TBC1D12: variants seen among roughly 807,000 people sequenced by gnomAD.
TBC1D12 encodes the protein TBC1 domain family, member 12.
TBC1D12 carries 56 observed loss-of-function variants against 86.7 expected under a neutral mutation model. That is an observed-to-expected ratio of 0.65 (90% CI 0.52 to 0.81). The LOEUF is 0.81. Ranked by LOEUF, TBC1D12 falls within the 30% of genes least tolerant of loss-of-function variation. The probability of loss-of-function intolerance (pLI) is 0.00; values close to 1 mark genes in which losing one functional copy is unlikely to be tolerated. For synonymous variants in TBC1D12, 421 were observed against 411.7 expected, an observed-to-expected ratio of 1.02 and a Z score of -0.27; for missense variants, 1,023 against 1,038.8, an observed-to-expected ratio of 0.98 and a Z score of 0.21.
chr10:94,430,025 C>G (rs552461834), intron 1 of TBC1D12, among the ~76,000 whole-genome samples: 73 of 152,128 alleles, frequency 4.8e-4, no homozygotes, highest in African/African-American at 1.7e-3. Flanking sequence ...TGTGAGTCAC[C>G]GCACCCAGCC....
chr10:94,427,690 G>A (rs1276024045), intron 1 of TBC1D12, among the ~76,000 whole-genome samples: 1 of 151,738 alleles, frequency 6.6e-6, no homozygotes, highest in Non-Finnish European at 1.5e-5. Context: ...AAATTAGCCG[G>A]GTGTGGTGGT....
intron 11 of TBC1D12, among the ~76,000 whole-genome samples, chr10:94,523,308 G>A (rs1325042969): frequency 2.0e-5 from 3 of 150,928 alleles, no homozygotes; most frequent in African/African-American, 7.3e-5. Flanking sequence ...TTTATCTTGA[G>A]TTGTAGCGAG....
In TBC1D12 at chr10:94,403,382, A is replaced by C; in HGVS notation, c.769A>C (p.Asn257His). ...APPATSAERT[N>H]GGAEPRLGFS... ...CCCTGCCACCTCGGCCGAGAGGACT[A>C]ATGGGGGTGCGGAGCCGCGCCTGGG... Residue 257 changes from asparagine (N) to histidine (H), a missense_variant, in exon 1 of 13, where the codon AAT becomes CAT. By Grantham distance (68) the Asn-to-His change is moderately conservative (BLOSUM62 1). This residue lies in a region of TBC1D12 where 628 missense variants were observed against 531.1 expected (regional missense o/e 1.18). Transcript: ENST00000225235. 1 of 1,543,080 alleles carries C rather than the reference A, an allele frequency of 6.5e-7. No individual in the cohort carries two copies. The highest frequency in any genetic ancestry group is 8.7e-7 in the Non-Finnish European group (1 of 1,144,584).
intron 3 of TBC1D12, among the ~76,000 whole-genome samples, chr10:94,484,101 G>A (rs970099017): frequency 6.6e-6 from 1 of 152,014 alleles, no homozygotes; most frequent in Non-Finnish European, 1.5e-5. Context: ...GTAGATATAT[G>A]GATTTGTTTC....
rs551440486 is a variant in TBC1D12, at chr10:94,420,032, G to A, written c.971+16448G>A. Among the ~76,000 whole-genome samples the A allele has an allele frequency of 2.0e-5, 3 of 152,226 alleles. 1 individual carries two copies. In the South Asian group the frequency reaches 6.2e-4, roughly 32 times the overall value. ...GCAGTGGAATATATTGCTGTGGACCGAATGTTTGTGTCCCTCCAAAATTCA... is the reference window on the plus strand; with the variant it reads ...GCAGTGGAATATATTGCTGTGGACCAAATGTTTGTGTCCCTCCAAAATTCA... On this transcript the variant is annotated intron_variant, in intron 1 of 12. Transcript: ENST00000225235.
At chr10:94,507,821 A>G (rs2134201334) in intron 7 of TBC1D12, among the ~76,000 whole-genome samples, 1 of 152,206 alleles carries the variant, frequency 6.6e-6, no homozygotes, top group South Asian at 2.1e-4. Flanking sequence ...CCCCATCTCT[A>G]CTAAAAAAAC....
intron 2 of TBC1D12, among the ~76,000 whole-genome samples, chr10:94,464,349 T>A (rs1167080099): frequency 6.6e-6 from 1 of 152,230 alleles, no homozygotes; most frequent in African/African-American, 2.4e-5. Context: ...GAATGAGTAT[T>A]TTTGTCACTG....
chr10:94,457,050 T>A lies in TBC1D12; in HGVS notation c.1095+15031T>A, dbSNP rs185593049. Among the ~76,000 whole-genome samples, 6 of 152,346 alleles carry A rather than the reference T, an allele frequency of 3.9e-5. No individual in the cohort carries two copies. The East Asian group carries it at 1.2e-3, about 29-fold the overall frequency. ...CATCCCTTTTTAAAAAATCTATATG[T>A]GCCTTTATACTTAAAGTGGGGTTTT... On this transcript the variant is annotated intron_variant, in intron 2 of 12. Transcript: ENST00000225235.
chr10:94,448,371 TTAAATA>T (rs1168491840), intron 2 of TBC1D12, among the ~76,000 whole-genome samples: 5 of 152,222 alleles, frequency 3.3e-5, no homozygotes, highest in Non-Finnish European at 5.9e-5. Context: ...TTAATTATGC[TTAAATA>T]TAGATATTCT....
chr10:94,520,071 C>T (rs1842103286), intron 9 of TBC1D12, among the ~76,000 whole-genome samples: 1 of 152,172 alleles, frequency 6.6e-6, no homozygotes, highest in Admixed American at 6.6e-5. Context: ...AAAAAGTACT[C>T]AGAAGAAGAC....
intron 2 of TBC1D12, among the ~76,000 whole-genome samples, chr10:94,448,636 C>T (rs2055505881): frequency 6.6e-6 from 1 of 152,222 alleles, no homozygotes; most frequent in Non-Finnish European, 1.5e-5. Flanking sequence ...GCCACCATGC[C>T]TGGCTAATTT....
At position 94,403,414 on chromosome 10, in the gene TBC1D12, T is replaced by C. The variant is rs942612426; in HGVS notation, c.801T>C (p.Ser267=). The C allele has an allele frequency of 2.6e-6, 4 of 1,549,732 alleles. No homozygotes were observed. Among genetic ancestry groups the C allele is most frequent in the Middle Eastern group, 1.7e-4 (1 of 5,882 alleles). ...GTGCGGAGCCGCGCCTGGGCTTTTC[T>C]GACATTCACTTCAACTCTCGCAACA... The part of the protein sequence containing the change: ...NGGAEPRLGF[S]DIHFNSRNTF... The change falls in exon 1 of 13, where the codon TCT becomes TCC. Residue 267 remains serine, a synonymous_variant. Transcript: ENST00000225235.
At chr10:94,525,267 G>A (rs1436128512) in intron 11 of TBC1D12, among the ~76,000 whole-genome samples, 1 of 152,078 alleles carries the variant, frequency 6.6e-6, no homozygotes. Context: ...CATAGTGAAG[G>A]TCGAATCATT....
At chr10:94,513,647 C>G (rs2056552603) in intron 9 of TBC1D12, among the ~76,000 whole-genome samples, 1 of 152,028 alleles carries the variant, frequency 6.6e-6, no homozygotes, top group South Asian at 2.1e-4. Context: ...CCTCGACTTC[C>G]TGGTCCCCTG....
chr10:94,414,516 T>C (rs1270261280), intron 1 of TBC1D12, among the ~76,000 whole-genome samples: 1 of 152,192 alleles, frequency 6.6e-6, no homozygotes, highest in Non-Finnish European at 1.5e-5. Context: ...GCCACTTGTG[T>C]CTTTAAAGTA....
chr10:94,474,519 T>C (rs2055957475), intron 2 of TBC1D12, 149 bp from the exon 3 acceptor site: 1 of 627,532 alleles, frequency 1.6e-6, no homozygotes, highest in Non-Finnish European at 2.6e-6. Context: ...AAAAAACTTT[T>C]ATTTTTTGTC....
At position 94,439,367 on chromosome 10, in the gene TBC1D12, C is replaced by T. The variant is rs77639605; in HGVS notation, c.972-2529C>T. On this transcript the variant is annotated intron_variant, in intron 1 of 12. Coordinates refer to ENST00000225235, the MANE Select transcript of TBC1D12 (RefSeq NM_015188.2). ...AAACCTTTAGGGTGCAGGCAGGTCA[C>T]GTAGGAATTGTAGAGGGAATATGAC... Among the ~76,000 whole-genome samples, 4 of 152,190 alleles carry T rather than the reference C, an allele frequency of 2.6e-5. No homozygotes were observed. The East Asian group carries it at 5.8e-4, about 22-fold the overall frequency.
intron 1 of TBC1D12, among the ~76,000 whole-genome samples, chr10:94,422,996 A>G (rs948848939): frequency 6.6e-6 from 1 of 152,160 alleles, no homozygotes; most frequent in Non-Finnish European, 1.5e-5. Flanking sequence ...GCTACACAGG[A>G]GTCTGAGGCA....
intron 3 of TBC1D12, among the ~76,000 whole-genome samples, chr10:94,490,816 G>T (rs549331134): frequency 6.6e-6 from 1 of 151,932 alleles, no homozygotes; most frequent in Non-Finnish European, 1.5e-5. Context: ...CTATCAGGAG[G>T]CCTTTCCACT....
Sources: allele counts gnomAD v4.1 joint callset (sites outside exome capture counted in the v4.1 genomes callset), GRCh38; gene constraint gnomAD v4.1.1; regional missense constraint gnomAD v4.1.1; transcripts MANE v1.5; gene names NCBI Gene and HGNC (gene_info 2026-07-23, HGNC 2026-07-21).